Variants in ACTL8 observed in about 807,000 individuals in gnomAD.
ACTL8 encodes the protein actin-like protein 8.
Under a neutral mutation model 9.3 loss-of-function variants are expected in ACTL8, and 3 were observed. The ratio of observed to expected loss-of-function variants is 0.32; its 90% CI spans 0.15 to 0.83. The LOEUF is 0.83. ACTL8 is among the 40% of genes least tolerant of loss of function. The probability of loss-of-function intolerance (pLI) is 0.57; values close to 1 mark genes in which losing one functional copy is unlikely to be tolerated. For missense variants in ACTL8, 381 were observed against 492.2 expected, an observed-to-expected ratio of 0.77 and a Z score of 2.14; for synonymous variants, 224 against 205.9, an observed-to-expected ratio of 1.09 and a Z score of -0.75.
intron 1 of ACTL8, among the ~76,000 whole-genome samples, chr1:17,775,457 G>GT (rs1204749001): frequency 2.0e-5 from 3 of 152,198 alleles, no homozygotes; most frequent in Non-Finnish European, 4.4e-5. Context: ...CCGGAGGGAA[G>GT]TGAAGAGAGA....
chr1:17,816,673 G>A (rs190853863), intron 1 of ACTL8, among the ~76,000 whole-genome samples: 41 of 152,224 alleles, frequency 2.7e-4, no homozygotes, highest in African/African-American at 9.4e-4. Flanking sequence ...TGGTGATTCC[G>A]CTGTGAGTTC....
chr1:17,825,900 A>ACC lies in ACTL8; in HGVS notation c.483_484dup (p.Gln162ProfsTer46). On this transcript the variant is annotated frameshift_variant, in exon 3 of 3. Coordinates refer to ENST00000375406, the MANE Select transcript of ACTL8 (RefSeq NM_030812.3). LOFTEE classifies it low-confidence loss of function (END_TRUNC). ...GGCCTGACCCGCGTGCAGCCTTTCCACCAGGGCCGCCCCTTGCCCGCCAGC... is the reference window on the plus strand; with the variant it reads ...GGCCTGACCCGCGTGCAGCCTTTCCACCCCAGGGCCGCCCCTTGCCCGCCAGC... 2 of 1,613,084 alleles carry ACC rather than the reference A, an allele frequency of 1.2e-6. No individual in the cohort carries two copies. The highest frequency in any genetic ancestry group is 1.7e-6 in the Non-Finnish European group (2 of 1,179,974).
Position 17,823,168 on chromosome 1 carries a change from G to A in ACTL8, c.160G>A (p.Gly54Ser). The change falls in exon 2 of 3, where the codon GGC becomes AGC. Residue 54 changes from glycine to serine, a missense_variant. Around this residue, in one of 3 missense-constraint regions of ACTL8, gnomAD observed 125 missense variants for 180.7 expected, o/e 0.69. Transcript: ENST00000375406. The surrounding 1 kb of genome is among the most constrained non-coding windows in gnomAD (Gnocchi z 5.3). ...PSYARRRVSLGIDICHPDTFS... is the reference protein window; with the variant it reads ...PSYARRRVSLSIDICHPDTFS... Reference sequence around the variant, plus strand: ...CTATGCCCGTAGGCGTGTGAGCCTGGGCATCGACATTTGCCATCCTGACAC... The same window carrying A: ...CTATGCCCGTAGGCGTGTGAGCCTGAGCATCGACATTTGCCATCCTGACAC... The A allele has an allele frequency of 1.2e-6, 2 of 1,614,206 alleles. No individual in the cohort carries two copies. The highest frequency in any genetic ancestry group is 1.7e-6 in the Non-Finnish European group (2 of 1,180,050).
At chr1:17,772,541 G>A (rs983672755) in intron 1 of ACTL8, among the ~76,000 whole-genome samples, 3 of 152,224 alleles carry the variant, frequency 2.0e-5, no homozygotes, top group Non-Finnish European at 4.4e-5. Flanking sequence ...CACCAGGGAT[G>A]TTGGGGCAGC....
intron 1 of ACTL8, among the ~76,000 whole-genome samples, chr1:17,809,762 C>T (rs2066382217): frequency 1.3e-5 from 2 of 152,012 alleles, no homozygotes; most frequent in Admixed American, 6.6e-5. Context: ...AAAACAAGCT[C>T]AGGCCTCCCA....
At chr1:17,821,792 A>G (rs1032988056) in intron 1 of ACTL8, among the ~76,000 whole-genome samples, 2 of 151,970 alleles carry the variant, frequency 1.3e-5, no homozygotes, top group Non-Finnish European at 2.9e-5. Context: ...ACACCAGCTA[A>G]TTTTTGTACT....
In ACTL8 at chr1:17,805,377, CTTTTTTT is replaced by C. The variant is rs56870755; in HGVS notation, c.-24-17588_-24-17582del. ...ATAGATATATTTTCTTTTTCTTTTT[CTTTTTTT>C]TTTTTTTTTTTTTTTTTTTGAGATT... On this transcript the variant is annotated intron_variant, in intron 1 of 2. Coordinates refer to ENST00000375406, the MANE Select transcript of ACTL8 (RefSeq NM_030812.3). 8.4e-3 allele frequency among the ~76,000 whole-genome samples: 843 copies of C among 100,064 alleles called. 6 individuals carry two copies. Among genetic ancestry groups the C allele is most frequent in the African/African-American group, 0.032 (716 of 22,262 alleles). 65.6% of individuals were successfully genotyped at this position (100,064 alleles called of 152,430 possible). A position where few individuals can be genotyped will look rare whatever the true frequency, so the allele number is the denominator to read the frequency against.
chr1:17,790,827 C>T (rs574561421), intron 1 of ACTL8, among the ~76,000 whole-genome samples: 1 of 152,376 alleles, frequency 6.6e-6, no homozygotes, highest in South Asian at 2.1e-4. Flanking sequence ...GGCTTCCCTC[C>T]TGTGCTCATC....
Position 17,777,952 on chromosome 1 carries a change from A to G in ACTL8, c.-25+22448A>G, listed in dbSNP as rs975234648. Among the ~76,000 whole-genome samples the G allele has an allele frequency of 2.0e-5, 3 of 151,644 alleles. No individual in the cohort carries two copies. In the East Asian group the frequency reaches 5.8e-4, roughly 29 times the overall value. On this transcript the variant is annotated intron_variant, in intron 1 of 2. Coordinates refer to ENST00000375406, the MANE Select transcript of ACTL8 (RefSeq NM_030812.3). Reference sequence around the variant, plus strand: ...ACTTCTGGTGATCCTCCTGCTTTGGACTCCCAAAGTGCTGGAATTACAGGC... The same window carrying G: ...ACTTCTGGTGATCCTCCTGCTTTGGGCTCCCAAAGTGCTGGAATTACAGGC...
chr1:17,804,516 C>T (rs913290930), intron 1 of ACTL8, among the ~76,000 whole-genome samples: 1 of 152,048 alleles, frequency 6.6e-6, no homozygotes. Flanking sequence ...ACTGGGGAGG[C>T]AACGAGGACA....
At position 17,823,297 on chromosome 1, in the gene ACTL8, C is replaced by A. The variant is rs115398046; in HGVS notation, c.289C>A (p.Pro97Thr). The change falls in exon 2 of 3, where the codon CCT becomes ACT. Residue 97 changes from proline to threonine, a missense_variant. Physicochemically the swap from Pro to Thr is conservative, Grantham distance 38. Transcript: ENST00000375406. This position sits in a 1 kb window ranked among gnomAD's most constrained non-coding sequence, Gnocchi z 5.3. The stretch of plus-strand genomic sequence containing the variant: ...CCACAGACGGGAGCAAGAGGTCCCC[C>A]CTGTGATCATCACGGAGACACCCTT... ...ENHRREQEVP[P>T]VIITETPLRE... The A allele has an allele frequency of 2.5e-6, 4 of 1,614,000 alleles. No individual in the cohort carries two copies. The highest frequency in any genetic ancestry group is 2.2e-5 in the South Asian group (2 of 91,076).
chr1:17,777,924 C>G (rs114122887), intron 1 of ACTL8, among the ~76,000 whole-genome samples: 1 of 152,234 alleles, frequency 6.6e-6, no homozygotes, highest in Non-Finnish European at 1.5e-5. Context: ...TCTTGAACTC[C>G]TCACTTCTGG....
At chr1:17,801,123 C>T (rs186942533) in intron 1 of ACTL8, among the ~76,000 whole-genome samples, 194 of 152,326 alleles carry the variant, frequency 1.3e-3, no homozygotes, top group Non-Finnish European at 2.3e-3. Flanking sequence ...TTATAAAGCT[C>T]TGTGTGCCAG....
chr1:17,783,342 TTTTTG>T (rs1286249679), intron 1 of ACTL8, among the ~76,000 whole-genome samples: 1 of 144,706 alleles, frequency 6.9e-6, no homozygotes, highest in Non-Finnish European at 1.5e-5. Context: ...GGAGTTTTTT[TTTTTG>T]TTTTGTTTTT....
At chr1:17,766,733 G>A (rs2066047067) in intron 1 of ACTL8, among the ~76,000 whole-genome samples, 1 of 152,138 alleles carries the variant, frequency 6.6e-6, no homozygotes, top group African/African-American at 2.4e-5. Flanking sequence ...AGCTGGGATT[G>A]GAACCCACGT....
At chr1:17,805,362 T>TTTC (rs1167711975) in intron 1 of ACTL8, among the ~76,000 whole-genome samples, 48 of 98,688 alleles carry the variant, frequency 4.9e-4, no homozygotes, top group Admixed American at 2.8e-3. Context: ...ATAGATATAT[T>TTTC]TTCTTTTTCT....
At chr1:17,798,903 G>A (rs1409276617) in intron 1 of ACTL8, among the ~76,000 whole-genome samples, 1 of 152,160 alleles carries the variant, frequency 6.6e-6, no homozygotes, top group Non-Finnish European at 1.5e-5. Context: ...TGCTATTTAA[G>A]TTCTTGTTTT....
At chr1:17,812,382 T>C (rs1160672734) in intron 1 of ACTL8, among the ~76,000 whole-genome samples, 3 of 152,070 alleles carry the variant, frequency 2.0e-5, no homozygotes, top group Non-Finnish European at 2.9e-5. Flanking sequence ...ATTTTAATGA[T>C]ATTGAATTGT....
intron 1 of ACTL8, among the ~76,000 whole-genome samples, chr1:17,804,528 A>AG (rs1557442082): frequency 6.6e-6 from 1 of 151,950 alleles, no homozygotes; most frequent in Non-Finnish European, 1.5e-5. Flanking sequence ...ACGAGGACAC[A>AG]GGGACCCAGC....
Sources: gnomAD v4.1 joint callset for allele counts (sites outside exome capture counted in the v4.1 genomes callset) on GRCh38, gnomAD v4.1.1 for gene constraint, gnomAD v4.1.1 regional missense constraint, Gnocchi (gnomAD v3.1) non-coding constraint, MANE v1.5 for transcripts, NCBI Gene and HGNC (gene_info 2026-07-23, HGNC 2026-07-21) for gene names.